The following ARMC12 variants were observed in gnomAD, a reference collection of about 807,000 sequenced individuals.
ARMC12 encodes the protein armadillo repeat-containing protein 12.
A neutral mutation model predicts 37.4 loss-of-function variants in ARMC12; 25 were observed. That is an observed-to-expected ratio of 0.67 (90% CI 0.49 to 0.93). The LOEUF is 0.93. Among genes scored for constraint, ARMC12 ranks in the 40% least tolerant of loss-of-function variants. The pLI, the probability that ARMC12 is intolerant of heterozygous loss-of-function variation, is 0.00. For synonymous variants in ARMC12, 167 were observed against 176.1 expected (o/e 0.95, Z 0.41); for missense variants, 384 against 426.6 (o/e 0.90, Z 0.88).
At chr6:35,732,908 G>A (rs1332543330), upstream of ARMC12, among the ~76,000 whole-genome samples, 4 of 152,204 alleles carry the variant, frequency 2.6e-5, no homozygotes, top group Admixed American at 6.5e-5. Flanking sequence ...GTGTGGTGGC[G>A]TAAGCCTGTA....
chr6:35,731,611 C>T, the ARMC12 span, among the ~76,000 whole-genome samples: 1 of 152,138 alleles, frequency 6.6e-6, no homozygotes, highest in Non-Finnish European at 1.5e-5. Context: ...CCGTACTCGC[C>T]TCCCGCCGGG....
Position 35,748,985 on chromosome 6 carries a change from G to C in ARMC12, c.*115G>C. 1 of 1,074,544 alleles carries C rather than the reference G, an allele frequency of 9.3e-7. No homozygotes were observed. The highest frequency in any genetic ancestry group is 1.3e-6 in the Non-Finnish European group (1 of 763,022). 66.6% of individuals were successfully genotyped at this position (1,074,544 alleles called of 1,614,324 possible). A position where few individuals can be genotyped will look rare whatever the true frequency, so the allele number is the denominator to read the frequency against. ...GGAGATTTCATTCAGCATAACCTCT[G>C]CTCCAGAGTGTGGTACAGCATGGGC... On this transcript the variant is annotated 3_prime_UTR_variant, in exon 6 of 6. Coordinates refer to ENST00000373866, the MANE Select transcript of ARMC12 (RefSeq NM_001286574.2).
intron 1 of ARMC12, 114 bp from the exon 2 acceptor site, chr6:35,737,913 T>G: frequency 6.8e-7 from 1 of 1,472,264 alleles, no homozygotes; most frequent in Non-Finnish European, 9.4e-7. Flanking sequence ...GCGAGAAGGC[T>G]TCTCCGAAAA....
rs1356096477 is a variant in ARMC12 at position 35,738,294 on chromosome 6, G to C, written c.310-90G>C. The C allele has an allele frequency of 3.4e-5, 49 of 1,429,804 alleles. 2 individuals carry two copies. In the South Asian group the frequency reaches 3.6e-4, roughly 10 times the overall value. 88.6% of individuals were successfully genotyped at this position (1,429,804 alleles called of 1,614,324 possible). On this transcript the variant is annotated intron_variant, in intron 2 of 5. Coordinates refer to ENST00000373866, the MANE Select transcript of ARMC12 (RefSeq NM_001286574.2). The stretch of plus-strand genomic sequence containing the variant: ...TCTCTGGCTGATAGCGGTGGGGGGG[G>C]GGTGTGCGGAGGGATCTTGGTGACA...
At chr6:35,747,923 T>C (rs1767391923) in intron 5 of ARMC12, among the ~76,000 whole-genome samples, 1 of 152,112 alleles carries the variant, frequency 6.6e-6, no homozygotes, top group African/African-American at 2.4e-5. Context: ...TATTTTAATA[T>C]TGGGGGGAAA....
In ARMC12 at chr6:35,738,290, G is replaced by C. The variant is rs562141313; in HGVS notation, c.310-94G>C. 729 of 1,433,720 alleles carry C rather than the reference G, an allele frequency of 5.1e-4. 15 individuals carry two copies. The East Asian group carries it at 0.015, about 30-fold the overall frequency. 88.8% of individuals were successfully genotyped at this position (1,433,720 alleles called of 1,614,324 possible). ...CCTCTCTCTGGCTGATAGCGGTGGG[G>C]GGGGGGTGTGCGGAGGGATCTTGGT... On this transcript the variant is annotated intron_variant, in intron 2 of 5. Transcript: ENST00000373866.
rs757576772 is a variant in ARMC12 at position 35,747,628 on chromosome 6, A to G, written c.671A>G (p.Tyr224Cys). The G allele has an allele frequency of 6.2e-6, 10 of 1,614,154 alleles. No homozygotes were observed. Among genetic ancestry groups the G allele is most frequent in the East Asian group, 2.2e-5 (1 of 44,896 alleles). Residue 224 changes from tyrosine to cysteine, a missense_variant, in exon 5 of 6, where the codon TAT (tyrosine) becomes TGT (cysteine). Coordinates refer to ENST00000373866, the MANE Select transcript of ARMC12 (RefSeq NM_001286574.2). The part of the protein sequence containing the change: ...SYLAQKNDLL[Y>C]DILNCQVHSN... ...CTGGCACAGAAGAATGACCTTCTCTATGACATTCTCAACTGCCAGGTGAGA... is the reference window on the plus strand; with the variant it reads ...CTGGCACAGAAGAATGACCTTCTCTGTGACATTCTCAACTGCCAGGTGAGA...
At chr6:35,733,176 AAGAGAG>A (rs368837263), upstream of ARMC12, among the ~76,000 whole-genome samples, 4 of 151,912 alleles carry the variant, frequency 2.6e-5, no homozygotes, top group African/African-American at 9.7e-5. Flanking sequence ...CGTCTCAAAA[AAGAGAG>A]AGAGAGAAAA....
At chr6:35,742,035 T>A (rs950582030) in intron 3 of ARMC12, among the ~76,000 whole-genome samples, 1 of 151,658 alleles carries the variant, frequency 6.6e-6, no homozygotes, top group Non-Finnish European at 1.5e-5. Context: ...TTTTTGTATT[T>A]TTTTAGAGGT....
chr6:35,743,851 A>G (rs1482059834), intron 3 of ARMC12, among the ~76,000 whole-genome samples: 1 of 151,858 alleles, frequency 6.6e-6, no homozygotes, highest in East Asian at 1.9e-4. Context: ...AGGCTGAGGA[A>G]GGAGAATCAC....
At chr6:35,742,756 G>A (rs999026779) in intron 3 of ARMC12, among the ~76,000 whole-genome samples, 63 of 152,276 alleles carry the variant, frequency 4.1e-4, no homozygotes, top group African/African-American at 1.5e-3. Context: ...CCCATGGGCA[G>A]CTGCTACTAG....
In ARMC12 at chr6:35,738,661, A is replaced by T. The variant is rs1454814759; in HGVS notation, c.444+143A>T. ...AGAAATAAGTGGGAAAACGGTGGTC[A>T]GATTCCCAGCAGGGTCATGAAGGCC... On this transcript the variant is annotated intron_variant, in intron 3 of 5. Transcript: ENST00000373866. 8 of 1,188,766 alleles carry T rather than the reference A, an allele frequency of 6.7e-6. No individual in the cohort carries two copies. In the East Asian group the frequency reaches 2.0e-4, roughly 30 times the overall value. The allele number at this position is 1,188,766 out of a possible 1,614,324, so 73.6% of individuals were successfully genotyped here.
chr6:35,738,283 C>CGGGGGGGGGGGGG (rs201221548), intron 2 of ARMC12, 101 bp from the exon 3 acceptor site: 34 of 576,334 alleles, frequency 5.9e-5, no homozygotes, highest in South Asian at 1.5e-4. Flanking sequence ...TGGCTGATAG[C>CGGGGGGGGGGGGG]GGTGGGGGGG....
chr6:35,748,751 G>A lies in ARMC12; in HGVS notation c.904G>A (p.Glu302Lys). ...ACTACTTGCCCTGGTCATCCACCCT[G>A]AGGAAGATGTTCAGATCCAGGCCTG... ...DRLLALVIHP[E>K]EDVQIQACKV... Residue 302 changes from glutamate (E) to lysine (K), a missense_variant, in exon 6 of 6, where the codon GAG (glutamate) becomes AAG (lysine). Transcript: ENST00000373866. The A allele has an allele frequency of 6.2e-7, 1 of 1,614,220 alleles. No homozygotes were observed. Among genetic ancestry groups the A allele is most frequent in the Non-Finnish European group, 8.5e-7 (1 of 1,180,042 alleles).
chr6:35,738,526 C>T lies in ARMC12; in HGVS notation c.444+8C>T. 6.2e-7 allele frequency: 1 copy of T among 1,613,864 alleles called. No homozygotes were observed. The highest frequency in any genetic ancestry group is 2.2e-5 in the East Asian group (1 of 44,874). ...TTCAGGCTCAAAATCCAGGTGAGCC[C>T]AGGGATGCGTGGTGGGGCATGCAGG... is the stretch of plus-strand genomic sequence containing the variant. On this transcript the variant is annotated splice_region_variant and intron_variant, in intron 3 of 5. Coordinates refer to ENST00000373866, the MANE Select transcript of ARMC12 (RefSeq NM_001286574.2).
upstream of ARMC12, among the ~76,000 whole-genome samples, chr6:35,732,674 A>G (rs1458175902): frequency 2.6e-5 from 4 of 152,206 alleles, no homozygotes; most frequent in East Asian, 3.8e-4. Flanking sequence ...GGCTTAAACA[A>G]CCATTGCCAG....
intron 3 of ARMC12, among the ~76,000 whole-genome samples, chr6:35,741,754 GA>G: frequency 6.6e-6 from 1 of 151,944 alleles, no homozygotes; most frequent in Non-Finnish European, 1.5e-5. Context: ...CTTTTTTGGG[GA>G]AAAAATTCTC....
chr6:35,740,719 A>G (rs1767137129), intron 3 of ARMC12, among the ~76,000 whole-genome samples: 2 of 152,110 alleles, frequency 1.3e-5, no homozygotes, highest in African/African-American at 4.8e-5. Context: ...TTTACCATAT[A>G]TGTATGTATC....
chr6:35,737,343 G>A, intron 1 of ARMC12, 72 bp downstream of exon 1: 3 of 1,614,124 alleles, frequency 1.9e-6, no homozygotes, highest in Non-Finnish European at 2.5e-6. Flanking sequence ...TGCTGTGGGA[G>A]GGCCCAAAGG....
Sources: allele counts gnomAD v4.1 joint callset (sites outside exome capture counted in the v4.1 genomes callset), GRCh38; gene constraint gnomAD v4.1.1; transcripts MANE v1.5; gene names NCBI Gene and HGNC (gene_info 2026-07-23, HGNC 2026-07-21).